Variants in GPHN observed in about 807,000 individuals in gnomAD.
GPHN encodes the protein gephyrin.
In GPHN, 17 loss-of-function variants were observed where a neutral mutation model predicts 95.5. That is an observed-to-expected ratio of 0.18 (90% CI 0.12 to 0.27). The LOEUF (loss-of-function observed/expected upper bound fraction) is 0.27. Ranked by LOEUF, GPHN falls within the 10% of genes least tolerant of loss-of-function variation. The probability of loss-of-function intolerance (pLI) is 1.00; values close to 1 mark genes in which losing one functional copy is unlikely to be tolerated. For missense variants in GPHN, 660 were observed against 978.1 expected (o/e 0.67, Z 4.34); for synonymous variants, 320 against 322.5 (o/e 0.99, Z 0.08).
chr14:67,328,324 GGATT>G, the GPHN span, among the ~76,000 whole-genome samples: 1 of 152,056 alleles, frequency 6.6e-6, no homozygotes, highest in African/African-American at 2.4e-5. Context: ...CTTTTTGATG[GGATT>G]GTTTGATTTT....
At chr14:67,237,465 A>G in the GPHN span, among the ~76,000 whole-genome samples, 1 of 152,128 alleles carries the variant, frequency 6.6e-6, no homozygotes, top group East Asian at 1.9e-4. Flanking sequence ...GAAATGCAAC[A>G]TGAATATGTT....
At chr14:67,600,262 C>T in the GPHN span, 1,401,758 of 1,415,060 alleles carry the variant, frequency 0.99, 694,948 homozygotes, top group East Asian at 1. Context: ...CCGGCCCTGG[C>T]CGTCTCGCCC....
the GPHN span, chr14:67,383,279 C>T: frequency 1.2e-6 from 2 of 1,605,912 alleles, no homozygotes; most frequent in Non-Finnish European, 1.7e-6. Context: ...ATAGTATTTA[C>T]TACTTCAGTT....
intron 1 of GPHN, among the ~76,000 whole-genome samples, chr14:66,543,946 T>C (rs984869325): frequency 2.6e-5 from 4 of 152,230 alleles, no homozygotes; most frequent in African/African-American, 9.6e-5. Context: ...TGAAATATTT[T>C]ACTACTTTGC....
At chr14:67,254,035 CT>C in the GPHN span, among the ~76,000 whole-genome samples, 1 of 142,972 alleles carries the variant, frequency 7.0e-6, no homozygotes. Context: ...TCCCCCCCCC[CT>C]TACAAGTTTT....
chr14:67,204,546 T>G, the GPHN span: 1 of 1,612,918 alleles, frequency 6.2e-7, no homozygotes, highest in Non-Finnish European at 8.5e-7. Context: ...GGTTTCTCCC[T>G]CTGCAGTTTG....
At chr14:67,648,418 A>G in the GPHN span, 5 of 365,538 alleles carry the variant, frequency 1.4e-5, no homozygotes, top group Non-Finnish European at 2.0e-5. Context: ...AAAAAATTGT[A>G]TATTTAAACA....
chr14:67,292,831 G>C, the GPHN span: 1 of 764,454 alleles, frequency 1.3e-6, no homozygotes, highest in South Asian at 2.3e-5. Context: ...ATTAATTACT[G>C]TTAATTACAT....
Position 66,603,377 on chromosome 14 carries a change from C to T in GPHN, c.65-77730C>T, listed in dbSNP as rs111907336. Among the ~76,000 whole-genome samples, 570 of 151,780 alleles carry T rather than the reference C, an allele frequency of 3.8e-3. 12 individuals are homozygous for T. The highest frequency in any genetic ancestry group is 0.013 in the African/African-American group (528 of 41,474). Reference sequence around the variant, plus strand: ...CTATTTTACAAACTTTGAATCATACCGTACGAACACTTTTGTTCCTTGCTT... The same window carrying T: ...CTATTTTACAAACTTTGAATCATACTGTACGAACACTTTTGTTCCTTGCTT... On this transcript the variant is annotated intron_variant, in intron 1 of 22. Transcript: ENST00000478722.
At chr14:67,690,436 T>G in the GPHN span, 16 of 1,610,406 alleles carry the variant, frequency 9.9e-6, no homozygotes, top group African/African-American at 1.9e-4. Context: ...TGAGAAATAC[T>G]AGAATTAATG....
chr14:67,724,548 C>A, the GPHN span: 3 of 1,613,982 alleles, frequency 1.9e-6, no homozygotes, highest in Non-Finnish European at 1.7e-6. Context: ...CTGGCGCCAA[C>A]ACGGGCATTG....
chr14:67,199,588 T>G, the GPHN span: 1 of 1,595,224 alleles, frequency 6.3e-7, no homozygotes, highest in Non-Finnish European at 8.6e-7. Flanking sequence ...CCGTATCTTA[T>G]GCCTTCGAGA....
intron 9 of GPHN, among the ~76,000 whole-genome samples, chr14:66,966,503 G>T (rs2069337722): frequency 6.6e-6 from 1 of 151,926 alleles, no homozygotes; most frequent in Non-Finnish European, 1.5e-5. Context: ...AGTGCCATTT[G>T]GGTGCCAGTA....
chr14:66,776,275 T>A (rs1478200373), intron 2 of GPHN, among the ~76,000 whole-genome samples, 189 bp from the exon 3 acceptor site: 1 of 152,072 alleles, frequency 6.6e-6, no homozygotes, highest in African/African-American at 2.4e-5. Context: ...CTGTCAATAG[T>A]CATTCATTAT....
intron 11 of GPHN, among the ~76,000 whole-genome samples, chr14:67,064,144 G>C (rs146354359): frequency 0.031 from 4,702 of 152,176 alleles, 107 homozygotes; most frequent in Non-Finnish European, 0.044. Context: ...TAGCATGAAG[G>C]GCTGTTGAGT....
the GPHN span, among the ~76,000 whole-genome samples, chr14:67,409,082 A>G: frequency 6.6e-6 from 1 of 151,610 alleles, no homozygotes; most frequent in African/African-American, 2.4e-5. Flanking sequence ...AAAAAAAGCA[A>G]AAAACAAAAC....
intron 1 of GPHN, among the ~76,000 whole-genome samples, chr14:66,600,373 A>G (rs2319392): frequency 1.3e-5 from 2 of 152,040 alleles, no homozygotes; most frequent in Non-Finnish European, 2.9e-5. Flanking sequence ...ATTTGTCAGT[A>G]TTCTAAGTAC....
chr14:66,508,639 T>C (rs367558641), intron 1 of GPHN, 48 bp downstream of exon 1: 15 of 1,496,310 alleles, frequency 1.0e-5, no homozygotes, highest in African/African-American at 1.4e-5. Flanking sequence ...TGTCCCTGCA[T>C]TGCCTTAGGC....
chr14:67,204,540 T>G, the GPHN span: 1 of 1,611,982 alleles, frequency 6.2e-7, no homozygotes, highest in Non-Finnish European at 8.5e-7. Context: ...TTTGCAGGTT[T>G]CTCCCTCTGC....
Sources: allele counts gnomAD v4.1 joint callset (sites outside exome capture counted in the v4.1 genomes callset), GRCh38; gene constraint gnomAD v4.1.1; transcripts MANE v1.5; gene names NCBI Gene and HGNC (gene_info 2026-07-23, HGNC 2026-07-21).